Variants in PXDNL observed in about 807,000 individuals in gnomAD.
The protein encoded by PXDNL is probable oxidoreductase PXDNL.
In PXDNL, 145 loss-of-function variants were observed where a neutral mutation model predicts 150.8. The observed-to-expected ratio is 0.96, with a 90% confidence interval of 0.84 to 1.10. PXDNL has a LOEUF of 1.10. PXDNL is among the 50% of genes least tolerant of loss of function. PXDNL has a pLI of 0.00. For missense variants in PXDNL, 2,087 were observed against 1,873.9 expected, an observed-to-expected ratio of 1.11 and a Z score of -2.10; for synonymous variants, 757 against 725.7, an observed-to-expected ratio of 1.04 and a Z score of -0.69.
intron 1 of PXDNL, among the ~76,000 whole-genome samples, chr8:51,740,296 G>T (rs938361379): frequency 6.6e-5 from 10 of 152,210 alleles, no homozygotes; most frequent in Admixed American, 6.5e-4. Context: ...GAAGATAAGT[G>T]TGCATGTATC....
At chr8:51,327,653 C>G (rs1805554919) in intron 21 of PXDNL, among the ~76,000 whole-genome samples, 1 of 152,164 alleles carries the variant, frequency 6.6e-6, no homozygotes, top group Non-Finnish European at 1.5e-5. Flanking sequence ...CCTGAAGAAC[C>G]ACATCTCCTA....
chr8:51,743,432 A>G lies in PXDNL; in HGVS notation c.164+65749T>C, dbSNP rs80199475. 1.2e-3 allele frequency among the ~76,000 whole-genome samples: 185 copies of G among 152,010 alleles called. 1 individual carries two copies. The East Asian group carries it at 0.031, about 25-fold the overall frequency. ...CTTGCTCTGTCCCCCAGGCTGCAGT[A>G]GTGCAGTGATGCGATCTTGGCTCAC... On this transcript the variant is annotated intron_variant, in intron 1 of 22. Coordinates refer to ENST00000356297, the MANE Select transcript of PXDNL (RefSeq NM_144651.5).
intron 1 of PXDNL, among the ~76,000 whole-genome samples, chr8:51,784,223 A>G (rs1383732554): frequency 6.6e-6 from 1 of 152,224 alleles, no homozygotes; most frequent in African/African-American, 2.4e-5. Flanking sequence ...TCAACTCTTG[A>G]AAAGACATTT....
chr8:51,762,123 A>AT (rs939383534), intron 1 of PXDNL, among the ~76,000 whole-genome samples: 2 of 152,162 alleles, frequency 1.3e-5, no homozygotes, highest in African/African-American at 2.4e-5. Flanking sequence ...TAGAGCTCTG[A>AT]TTTTTTTTAT....
At chr8:51,470,585 G>T (rs909021046) in intron 8 of PXDNL, among the ~76,000 whole-genome samples, 1 of 151,966 alleles carries the variant, frequency 6.6e-6, no homozygotes, top group African/African-American at 2.4e-5. Flanking sequence ...GGTATATAGT[G>T]CACTTAATGT....
chr8:51,415,254 A>G lies in PXDNL; in HGVS notation c.1796-1996T>C, dbSNP rs138638270. ...TGTACAACAGTGGAAGTATGGGTGT[A>G]TTAGTCTGTTCTCGCATTGCTATAA... On this transcript the variant is annotated intron_variant, in intron 14 of 22. Transcript: ENST00000356297. Among the ~76,000 whole-genome samples the G allele has an allele frequency of 7.4e-4, 113 of 152,334 alleles. 2 individuals are homozygous for G. The East Asian group carries it at 0.014, about 20-fold the overall frequency.
chr8:51,350,660 T>C (rs913516897), intron 19 of PXDNL, among the ~76,000 whole-genome samples: 2 of 152,076 alleles, frequency 1.3e-5, no homozygotes, highest in Admixed American at 1.3e-4. Flanking sequence ...CAGCCGCAAA[T>C]GCAGCTTCTA....
chr8:51,534,051 C>T (rs1302884872), intron 4 of PXDNL, among the ~76,000 whole-genome samples: 1 of 146,258 alleles, frequency 6.8e-6, no homozygotes, highest in East Asian at 2.1e-4. Context: ...AGCGCCTCTT[C>T]CCCGCCGCCA....
intron 17 of PXDNL, 118 bp from the exon 18 acceptor site, chr8:51,374,849 T>G: frequency 8.4e-7 from 1 of 1,192,376 alleles, no homozygotes; most frequent in East Asian, 2.6e-5. Context: ...AAAGTAGATA[T>G]GATTACTGTA....
intron 8 of PXDNL, among the ~76,000 whole-genome samples, chr8:51,471,833 C>T (rs1269774454): frequency 2.0e-5 from 3 of 151,866 alleles, no homozygotes; most frequent in African/African-American, 4.8e-5. Context: ...ACTACAGGCG[C>T]TCACCACCAC....
At chr8:51,405,101 T>G (rs978535580) in intron 17 of PXDNL, among the ~76,000 whole-genome samples, 8 of 151,916 alleles carry the variant, frequency 5.3e-5, no homozygotes, top group African/African-American at 1.9e-4. Context: ...CCACTGGGAG[T>G]GCGGGGCCCA....
At chr8:51,490,623 CACATATATATAT>C (rs1338221893) in intron 5 of PXDNL, among the ~76,000 whole-genome samples, 1 of 144,194 alleles carries the variant, frequency 6.9e-6, no homozygotes, top group Admixed American at 6.9e-5. Flanking sequence ...ATTTATGAGT[CACATATATATAT>C]ACATATATAT....
At chr8:51,731,933 G>T (rs1816942183) in intron 1 of PXDNL, among the ~76,000 whole-genome samples, 1 of 152,146 alleles carries the variant, frequency 6.6e-6, no homozygotes, top group Non-Finnish European at 1.5e-5. Flanking sequence ...TGATGGGAGG[G>T]GCTGCTGTGG....
At chr8:51,529,387 C>T (rs1811839758) in intron 4 of PXDNL, among the ~76,000 whole-genome samples, 1 of 152,164 alleles carries the variant, frequency 6.6e-6, no homozygotes, top group Non-Finnish European at 1.5e-5. Context: ...CATCATCTTA[C>T]TTGACTTATC....
chr8:51,382,114 T>G (rs7003554), intron 17 of PXDNL, among the ~76,000 whole-genome samples: 38,689 of 151,594 alleles, frequency 0.26, 7,885 homozygotes, highest in African/African-American at 0.56. Flanking sequence ...TGGGATTACG[T>G]GTGTGAGCCA....
At chr8:51,600,423 G>C (rs1282266333) in intron 2 of PXDNL, among the ~76,000 whole-genome samples, 7 of 134,948 alleles carry the variant, frequency 5.2e-5, no homozygotes, top group Non-Finnish European at 1.5e-5. Flanking sequence ...ATATCGTTTA[G>C]ATAATAAATT....
intron 2 of PXDNL, among the ~76,000 whole-genome samples, chr8:51,621,880 G>A (rs970108847): frequency 6.8e-6 from 1 of 147,274 alleles, no homozygotes; most frequent in Non-Finnish European, 1.5e-5. Context: ...CAGAGGTTGA[G>A]TTGCAGTGAC....
chr8:51,332,196 C>T, intron 21 of PXDNL, among the ~76,000 whole-genome samples: 1 of 147,188 alleles, frequency 6.8e-6, no homozygotes. Context: ...GCTGTGTAGA[C>T]TCGCTGGATG....
At chr8:51,797,132 G>A (rs557767113) in intron 1 of PXDNL, among the ~76,000 whole-genome samples, 13 of 152,148 alleles carry the variant, frequency 8.5e-5, no homozygotes, top group Non-Finnish European at 1.6e-4. Flanking sequence ...ACTGATTCAT[G>A]TTAAAAACTC....
Sources: gnomAD v4.1 joint callset for allele counts (sites outside exome capture counted in the v4.1 genomes callset) on GRCh38, gnomAD v4.1.1 for gene constraint, MANE v1.5 for transcripts, NCBI Gene and HGNC (gene_info 2026-07-23, HGNC 2026-07-21) for gene names.